LDAH: variants seen among roughly 807,000 people sequenced by gnomAD.
LDAH encodes lipid droplet associated hydrolase.
LDAH carries 26 observed loss-of-function variants against 29.6 expected under a neutral mutation model. That is an observed-to-expected ratio of 0.88 (90% CI 0.64 to 1.22). LDAH has a LOEUF of 1.22. Among genes scored for constraint, LDAH ranks in the 50% most tolerant of loss-of-function variants. The pLI is 0.00. For synonymous variants in LDAH, 117 were observed against 133.0 expected (o/e 0.88, Z 0.83); for missense variants, 344 against 387.3 (o/e 0.89, Z 0.94).
chr2:20,724,190 C>G lies in LDAH; in HGVS notation c.703+15781G>C, dbSNP rs183656196. ...TGCCATTTTGTCTGTCTGGAAAAAT[C>G]CCAACTCACCTTCAAGTCCAAATTC... On this transcript the variant is annotated intron_variant, in intron 5 of 6. Coordinates refer to ENST00000237822, the MANE Select transcript of LDAH (RefSeq NM_021925.4). 1.5e-4 allele frequency among the ~76,000 whole-genome samples: 23 copies of G among 152,290 alleles called. 1 individual carries two copies. The highest frequency in any genetic ancestry group is 1.4e-3 in the Admixed American group (21 of 15,304).
intron 6 of LDAH, among the ~76,000 whole-genome samples, chr2:20,694,500 A>AAGGG (rs1479773268): frequency 6.6e-6 from 1 of 152,182 alleles, no homozygotes; most frequent in Non-Finnish European, 1.5e-5. Flanking sequence ...TTGCTAAAGA[A>AAGGG]AGGGAGATGG....
At chr2:20,799,769 C>CT (rs1490052622) in intron 2 of LDAH, among the ~76,000 whole-genome samples, 18 of 151,208 alleles carry the variant, frequency 1.2e-4, no homozygotes, top group South Asian at 2.1e-4. Context: ...ATCATTTAAG[C>CT]TTTTTTTTTC....
intron 4 of LDAH, among the ~76,000 whole-genome samples, chr2:20,752,199 T>C (rs546501981): frequency 6.1e-5 from 6 of 97,968 alleles, no homozygotes; most frequent in African/African-American, 3.7e-4. Flanking sequence ...GTCAAGACAG[T>C]AGTATTTAAA....
At chr2:20,720,918 T>C (rs1477082147) in intron 5 of LDAH, among the ~76,000 whole-genome samples, 2 of 152,124 alleles carry the variant, frequency 1.3e-5, no homozygotes, top group Non-Finnish European at 2.9e-5. Flanking sequence ...TTATTGAAAC[T>C]AGATATCCAT....
intron 5 of LDAH, among the ~76,000 whole-genome samples, chr2:20,729,997 C>T (rs116220694): frequency 0.014 from 2,076 of 152,222 alleles, 48 homozygotes; most frequent in African/African-American, 0.048. Flanking sequence ...CTGGCAACCA[C>T]TAATCTGTTC....
chr2:20,814,802 C>T (rs190958962), intron 1 of LDAH, among the ~76,000 whole-genome samples: 5 of 152,288 alleles, frequency 3.3e-5, no homozygotes, highest in Non-Finnish European at 7.4e-5. Flanking sequence ...TCCTACTTTA[C>T]CTGTCAGTGA....
intron 5 of LDAH, among the ~76,000 whole-genome samples, chr2:20,738,462 T>C (rs1666958020): frequency 6.6e-6 from 1 of 152,016 alleles, no homozygotes. Flanking sequence ...CTTTCACCAC[T>C]TTACTTACTT....
chr2:20,802,056 T>C (rs1014519749), intron 1 of LDAH, among the ~76,000 whole-genome samples: 12 of 151,698 alleles, frequency 7.9e-5, no homozygotes, highest in Non-Finnish European at 1.5e-4. Flanking sequence ...TCTATCTATA[T>C]ACACACACAA....
intron 4 of LDAH, among the ~76,000 whole-genome samples, chr2:20,767,829 G>A (rs1669145453): frequency 6.6e-6 from 1 of 152,180 alleles, no homozygotes; most frequent in Non-Finnish European, 1.5e-5. Flanking sequence ...GCAGAGGACA[G>A]AGAGACAATG....
chr2:20,735,290 G>A (rs976185749), intron 5 of LDAH, among the ~76,000 whole-genome samples: 2 of 152,066 alleles, frequency 1.3e-5, no homozygotes, highest in Non-Finnish European at 2.9e-5. Context: ...AGGTCCCTGA[G>A]GTTCTGTTCC....
chr2:20,753,888 A>G (rs1264326731), intron 4 of LDAH, among the ~76,000 whole-genome samples: 1 of 152,208 alleles, frequency 6.6e-6, no homozygotes, highest in East Asian at 1.9e-4. Context: ...TAATTTTATC[A>G]CCAAAATCAA....
chr2:20,811,416 A>G (rs959430842), intron 1 of LDAH, among the ~76,000 whole-genome samples: 1 of 152,140 alleles, frequency 6.6e-6, no homozygotes, highest in African/African-American at 2.4e-5. Context: ...CAGTTTGGGA[A>G]GATGTTGGAG....
At chr2:20,722,460 G>C (rs1396702278) in intron 5 of LDAH, among the ~76,000 whole-genome samples, 1 of 151,864 alleles carries the variant, frequency 6.6e-6, no homozygotes, top group East Asian at 1.9e-4. Context: ...AAAGGAAGCG[G>C]GGTGGAACAG....
chr2:20,692,790 G>A (rs894358979), intron 6 of LDAH, among the ~76,000 whole-genome samples: 2 of 152,152 alleles, frequency 1.3e-5, no homozygotes, highest in Non-Finnish European at 2.9e-5. Context: ...TCAATTTGTG[G>A]GGTGCCTGTT....
chr2:20,690,354 T>C (rs1662912994), intron 6 of LDAH, among the ~76,000 whole-genome samples: 1 of 152,254 alleles, frequency 6.6e-6, no homozygotes, highest in Non-Finnish European at 1.5e-5. Flanking sequence ...TATGCTTATC[T>C]GATTTTATTT....
At chr2:20,722,622 A>AT (rs1019865309) in intron 5 of LDAH, among the ~76,000 whole-genome samples, 81 of 152,352 alleles carry the variant, frequency 5.3e-4, no homozygotes, top group African/African-American at 1.8e-3. Context: ...AAAGATAAAT[A>AT]TTTGAAGAGA....
intron 2 of LDAH, among the ~76,000 whole-genome samples, chr2:20,799,842 G>T (rs942008286): frequency 5.3e-5 from 8 of 151,846 alleles, no homozygotes; most frequent in Non-Finnish European, 8.8e-5. Flanking sequence ...GAATATTCTG[G>T]AAAAGAATAA....
At chr2:20,790,209 A>G (rs770892375) in intron 3 of LDAH, 46 bp downstream of exon 3, 2 of 1,602,020 alleles carry the variant, frequency 1.2e-6, no homozygotes, top group Admixed American at 3.4e-5. Context: ...TAGAAACATG[A>G]CCCTGCACTC....
chr2:20,797,174 TGG>T (rs373464406), intron 2 of LDAH, among the ~76,000 whole-genome samples: 29 of 152,330 alleles, frequency 1.9e-4, no homozygotes, highest in African/African-American at 3.4e-4. Context: ...TGTTACATCC[TGG>T]CAGAAGAATA....
Sources: gnomAD v4.1 joint callset for allele counts (sites outside exome capture counted in the v4.1 genomes callset) on GRCh38, gnomAD v4.1.1 for gene constraint, MANE v1.5 for transcripts, NCBI Gene and HGNC (gene_info 2026-07-23, HGNC 2026-07-21) for gene names.